Variants in BDP1 observed in about 807,000 individuals in gnomAD.
The protein encoded by BDP1 is transcription factor TFIIIB component B'' homolog.
In BDP1, 169 loss-of-function variants were observed where a neutral mutation model predicts 266.6. The observed-to-expected ratio is 0.63, with a 90% confidence interval of 0.56 to 0.72. The LOEUF (loss-of-function observed/expected upper bound fraction) is 0.72, where lower values mean the gene tolerates loss of function less well. Among genes scored for constraint, BDP1 ranks in the 30% least tolerant of loss-of-function variants. The pLI, the probability that BDP1 is intolerant of heterozygous loss-of-function variation, is 0.00. For synonymous variants in BDP1, 1,090 were observed against 1,022.4 expected, an observed-to-expected ratio of 1.07 and a Z score of -1.26; for missense variants, 3,015 against 3,053.8, an observed-to-expected ratio of 0.99 and a Z score of 0.30.
chr5:71,534,331 C>T lies in BDP1; in HGVS notation c.5892+1904C>T, dbSNP rs114445837. Reference sequence around the variant, plus strand: ...TCCATTTGTCCTATCACCATTTATTCGAAAAGACTATTCTTTCCCCATTGA... The same window carrying T: ...TCCATTTGTCCTATCACCATTTATTTGAAAAGACTATTCTTTCCCCATTGA... On this transcript the variant is annotated intron_variant, in intron 26 of 38. Coordinates refer to ENST00000358731, the MANE Select transcript of BDP1 (RefSeq NM_018429.3). Among the ~76,000 whole-genome samples, 1,233 of 152,236 alleles carry T rather than the reference C, an allele frequency of 8.1e-3. 17 individuals carry two copies. The highest frequency in any genetic ancestry group is 0.028 in the African/African-American group (1,175 of 41,538).
At position 71,480,049 on chromosome 5, in the gene BDP1, AT is replaced by A. The variant is rs557359192; in HGVS notation, c.1015-3791del. On this transcript the variant is annotated intron_variant, in intron 7 of 38. Coordinates refer to ENST00000358731, the MANE Select transcript of BDP1 (RefSeq NM_018429.3). ...AACCTCCGCCTCCCAGGTTCAATCG[AT>A]TCTCCTTCCTCAGCCTCCTGAGTAG... 1.2e-4 allele frequency among the ~76,000 whole-genome samples: 18 copies of A among 151,320 alleles called. No individual in the cohort carries two copies. In the South Asian group the frequency reaches 3.8e-3, roughly 32 times the overall value.
chr5:71,563,704 G>A (rs1349871391), intron 38 of BDP1, among the ~76,000 whole-genome samples: 1 of 152,190 alleles, frequency 6.6e-6, no homozygotes, highest in Non-Finnish European at 1.5e-5. Flanking sequence ...CCTGAGGTGA[G>A]GAGTTTGAGA....
rs374639279 is a variant in BDP1 at position 71,467,421 on chromosome 5, C to G, written c.853C>G (p.Arg285Gly). 6.2e-7 allele frequency: 1 copy of G among 1,609,582 alleles called. No individual in the cohort carries two copies. The highest frequency in any genetic ancestry group is 2.2e-5 in the East Asian group (1 of 44,812). ...TGAAGAAAATGACCCCATATTTGAG[C>G]GCGGTTCTACAACTACATACTCCAG... Reference protein sequence around the residue: ...VVEENDPIFERGSTTTYSSFR... With the variant: ...VVEENDPIFEGGSTTTYSSFR... The change falls in exon 6 of 39, where the codon CGC becomes GGC. Residue 285 changes from arginine to glycine, a missense_variant. Around this residue, in one of 3 missense-constraint regions of BDP1, gnomAD observed 2,383 missense variants for 2,404.9 expected, o/e 0.99. Transcript: ENST00000358731.
At position 71,489,447 on chromosome 5, in the gene BDP1, G is replaced by A. The variant is rs1427374414; in HGVS notation, c.1257G>A (p.Glu419=). The change falls in exon 10 of 39, where the codon GAG becomes GAA. Residue 419 remains glutamate (E), a synonymous_variant. Transcript: ENST00000358731. ...AAGGAGTGAATAATGATCCAGATGA[G>A]TCTATGAGTTCTAGAATTTCAGACA... ...ACEGVNNDPD[E]SMSSRISDTE... The A allele has an allele frequency of 1.9e-6, 3 of 1,613,862 alleles. No individual in the cohort carries two copies. Among genetic ancestry groups the A allele is most frequent in the Non-Finnish European group, 2.5e-6 (3 of 1,179,928 alleles).
At chr5:71,461,692 T>A in intron 2 of BDP1, 125 bp from the exon 3 acceptor site, 1 of 555,388 alleles carries the variant, frequency 1.8e-6, no homozygotes, top group Non-Finnish European at 3.2e-6. Context: ...CAAAATTACA[T>A]AATTGGGGTG....
At chr5:71,466,270 A>T in intron 5 of BDP1, 49 bp downstream of exon 5, 1 of 1,606,474 alleles carries the variant, frequency 6.2e-7, no homozygotes, top group East Asian at 2.2e-5. Context: ...GAGAACAAAC[A>T]TGCTTTGTCT....
chr5:71,573,527 G>A, the BDP1 span, among the ~76,000 whole-genome samples: 7 of 152,210 alleles, frequency 4.6e-5, no homozygotes, highest in Admixed American at 2.0e-4. Context: ...AAGTAAGGGC[G>A]TACAGAGCCC....
intron 7 of BDP1, among the ~76,000 whole-genome samples, chr5:71,473,367 T>G (rs1338106461): frequency 6.9e-6 from 1 of 145,664 alleles, no homozygotes; most frequent in Non-Finnish European, 1.5e-5. Context: ...CTCCGCCTCC[T>G]GGGTTCATGC....
At chr5:71,551,507 A>T (rs1742754826) in intron 34 of BDP1, among the ~76,000 whole-genome samples, 3 of 152,302 alleles carry the variant, frequency 2.0e-5, no homozygotes, top group Admixed American at 1.3e-4. Context: ...TCCCATGTCT[A>T]CTTCTTTCTA....
chr5:71,532,469 T>G, intron 26 of BDP1, 42 bp downstream of exon 26: 4 of 1,592,988 alleles, frequency 2.5e-6, no homozygotes, highest in Non-Finnish European at 2.6e-6. Flanking sequence ...TTATTCTTTG[T>G]TTACTTTGAA....
chr5:71,523,440 A>G (rs917168848), intron 24 of BDP1, among the ~76,000 whole-genome samples: 1 of 151,952 alleles, frequency 6.6e-6, no homozygotes, highest in African/African-American at 2.4e-5. Context: ...CATCCTCCCG[A>G]GTAGCTGGGA....
Position 71,544,485 on chromosome 5 carries a change from T to G in BDP1, c.6541T>G (p.Ser2181Ala). Residue 2181 changes from serine (S) to alanine (A), a missense_variant, in exon 31 of 39, where the codon TCA becomes GCA. This residue lies in a region of BDP1 where 629 missense variants were observed against 632.5 expected (regional missense o/e 0.99). Transcript: ENST00000358731. The part of the protein sequence containing the change: ...VHGIKGTSIS[S>A]EVNLTERNEN... ...TGGTATCAAAGGGACCAGTATTTCT[T>G]CAGAAGTAAACCTAACTGAAAGGTA... 1 of 1,612,838 alleles carries G rather than the reference T, an allele frequency of 6.2e-7. No individual in the cohort carries two copies. Among genetic ancestry groups the G allele is most frequent in the East Asian group, 2.2e-5 (1 of 44,838 alleles).
At chr5:71,479,202 C>T (rs974506418) in intron 7 of BDP1, among the ~76,000 whole-genome samples, 13 of 151,902 alleles carry the variant, frequency 8.6e-5, no homozygotes, top group South Asian at 4.2e-4. Context: ...GTCATGCGCC[C>T]GGCTAATTTT....
chr5:71,531,203 G>A (rs901526443), intron 25 of BDP1, among the ~76,000 whole-genome samples: 3 of 152,054 alleles, frequency 2.0e-5, no homozygotes, highest in African/African-American at 7.2e-5. Flanking sequence ...AGGTGTTGTG[G>A]CCATCATCGC....
chr5:71,558,257 A>C (rs1484665095), intron 36 of BDP1, among the ~76,000 whole-genome samples: 4 of 76,388 alleles, frequency 5.2e-5, no homozygotes, highest in Non-Finnish European at 9.1e-5. Flanking sequence ...ATAATGGGCC[A>C]GGCGCAGTGG....
At chr5:71,573,255 A>G in the BDP1 span, among the ~76,000 whole-genome samples, 1 of 151,850 alleles carries the variant, frequency 6.6e-6, no homozygotes, top group African/African-American at 2.4e-5. Context: ...AGAAAAGAAA[A>G]GAAAAAACAG....
In BDP1 at chr5:71,497,350, G is replaced by T. The variant is rs757504692; in HGVS notation, c.1880G>T (p.Gly627Val). ...CCTAAACCCAATTTGTCAAGGGCTG[G>T]GAAGAAATCAGTTCTTTCACAAGGC... The part of the protein sequence containing the change: ...QRPKPNLSRA[G>V]KKSVLSQGKT... The change falls in exon 13 of 39, where the codon GGG becomes GTG. Residue 627 changes from glycine (G) to valine (V), a missense_variant. Physicochemically the swap from Gly to Val is moderately radical, Grantham distance 109 (BLOSUM62 -3). Coordinates refer to ENST00000358731, the MANE Select transcript of BDP1 (RefSeq NM_018429.3). The T allele has an allele frequency of 6.2e-7, 1 of 1,613,806 alleles. No homozygotes were observed. The highest frequency in any genetic ancestry group is 8.5e-7 in the Non-Finnish European group (1 of 1,179,876).
intron 32 of BDP1, among the ~76,000 whole-genome samples, chr5:71,546,552 AGG>A (rs1742323103): frequency 7.1e-6 from 1 of 140,962 alleles, no homozygotes; most frequent in Non-Finnish European, 1.5e-5. Context: ...CAGGAGACAG[AGG>A]TTGCAGTGGC....
chr5:71,507,159 A>G (rs1410778612), intron 16 of BDP1, among the ~76,000 whole-genome samples: 1 of 152,162 alleles, frequency 6.6e-6, no homozygotes, highest in Non-Finnish European at 1.5e-5. Flanking sequence ...CGTGTTTTAG[A>G]AAAACACATA....
Sources: gnomAD v4.1 joint callset for allele counts (sites outside exome capture counted in the v4.1 genomes callset) on GRCh38, gnomAD v4.1.1 for gene constraint, gnomAD v4.1.1 regional missense constraint, MANE v1.5 for transcripts, NCBI Gene and HGNC (gene_info 2026-07-23, HGNC 2026-07-21) for gene names.